Variants in SLAIN2 observed in about 807,000 individuals in gnomAD.
SLAIN2 encodes SLAIN motif-containing protein 2.
SLAIN2 carries 31 observed loss-of-function variants against 56.6 expected under a neutral mutation model. That is an observed-to-expected ratio of 0.55 (90% CI 0.41 to 0.74). The LOEUF is 0.74. Ranked by LOEUF, SLAIN2 falls within the 30% of genes least tolerant of loss-of-function variation. The pLI is 0.00. For missense variants in SLAIN2, 777 were observed against 754.2 expected (o/e 1.03, Z -0.35); for synonymous variants, 317 against 284.9 (o/e 1.11, Z -1.13).
At chr4:48,413,256 A>G (rs1716912884) in intron 6 of SLAIN2, among the ~76,000 whole-genome samples, 1 of 151,962 alleles carries the variant, frequency 6.6e-6, no homozygotes, top group African/African-American at 2.4e-5. Context: ...TGATAATGAC[A>G]GTAGAGATGT....
chr4:48,387,430 A>G (rs935308990), intron 6 of SLAIN2: 1 of 152,064 alleles, frequency 6.6e-6, no homozygotes, highest in Non-Finnish European at 1.5e-5. Flanking sequence ...GGAAAACACA[A>G]TGGGATTCCA....
At position 48,424,748 on chromosome 4, in the gene SLAIN2, C is replaced by T. The variant is rs1577745852; in HGVS notation, c.*2671C>T. The T allele has an allele frequency of 1.3e-5, 2 of 151,506 alleles. No homozygotes were observed. The highest frequency in any genetic ancestry group is 3.9e-4 in the East Asian group (2 of 5,166). The allele number at this position is 151,506 out of a possible 1,614,324, so 9.4% of individuals were successfully genotyped here. ...ATTGTCAGATACTTTTTAAAATTAT[C>T]TCAATACATCACTTTTATAAAAAAA... On this transcript the variant is annotated 3_prime_UTR_variant, in exon 8 of 8. Coordinates refer to ENST00000264313, the MANE Select transcript of SLAIN2 (RefSeq NM_020846.2).
intron 6 of SLAIN2, among the ~76,000 whole-genome samples, chr4:48,386,926 A>T (rs1350926692): frequency 6.6e-6 from 1 of 152,214 alleles, no homozygotes; most frequent in Non-Finnish European, 1.5e-5. Context: ...AATAAAACTT[A>T]TGTATATTAT....
intron 2 of SLAIN2, among the ~76,000 whole-genome samples, chr4:48,373,410 T>C (rs1161862674): frequency 6.6e-6 from 1 of 152,210 alleles, no homozygotes; most frequent in Non-Finnish European, 1.5e-5. Context: ...CTCTCCCTGT[T>C]TTGGTGTTTT....
intron 6 of SLAIN2, among the ~76,000 whole-genome samples, chr4:48,416,507 CAG>C (rs1716999386): frequency 7.0e-6 from 1 of 142,056 alleles, no homozygotes; most frequent in Non-Finnish European, 1.5e-5. Context: ...CGTCTGCAAA[CAG>C]GGACAATTTG....
chr4:48,384,628 C>T (rs1383611042), intron 6 of SLAIN2, among the ~76,000 whole-genome samples: 1 of 152,104 alleles, frequency 6.6e-6, no homozygotes, highest in Non-Finnish European at 1.5e-5. Context: ...GTAGAAAGAA[C>T]ACATGTAGAT....
At chr4:48,419,133 C>T (rs1480474494) in intron 6 of SLAIN2, among the ~76,000 whole-genome samples, 4 of 149,288 alleles carry the variant, frequency 2.7e-5, no homozygotes, top group Admixed American at 6.7e-5. Context: ...GACAGAGTCT[C>T]GCTCTGTTGC....
chr4:48,368,002 T>A (rs892868088), intron 1 of SLAIN2, among the ~76,000 whole-genome samples: 1 of 149,976 alleles, frequency 6.7e-6, no homozygotes, highest in African/African-American at 2.5e-5. Context: ...TTCATATAAA[T>A]GGATTCTTAT....
chr4:48,381,954 G>T (rs906921279), intron 4 of SLAIN2, among the ~76,000 whole-genome samples: 2 of 152,078 alleles, frequency 1.3e-5, no homozygotes, highest in African/African-American at 4.8e-5. Flanking sequence ...CTATATAGGA[G>T]AATTCTTTGA....
chr4:48,412,551 G>A (rs1716891651), intron 6 of SLAIN2, among the ~76,000 whole-genome samples: 1 of 152,130 alleles, frequency 6.6e-6, no homozygotes, highest in African/African-American at 2.4e-5. Flanking sequence ...CAATTATCTT[G>A]AAGAGGATCA....
chr4:48,363,927 AC>A (rs1249854706), intron 1 of SLAIN2, among the ~76,000 whole-genome samples: 9 of 95,534 alleles, frequency 9.4e-5, no homozygotes, highest in Non-Finnish European at 1.1e-4. Flanking sequence ...CGGGGGGCTG[AC>A]CCCCCCACCT....
At chr4:48,370,162 T>G (rs913229597) in intron 2 of SLAIN2, among the ~76,000 whole-genome samples, 165 bp downstream of exon 2, 8 of 152,260 alleles carry the variant, frequency 5.3e-5, no homozygotes, top group African/African-American at 1.9e-4. Context: ...AACCCTGTTC[T>G]ATCATTTACT....
intron 6 of SLAIN2, among the ~76,000 whole-genome samples, chr4:48,392,018 A>G (rs1440914954): frequency 2.6e-5 from 4 of 152,330 alleles, no homozygotes; most frequent in Non-Finnish European, 5.9e-5. Flanking sequence ...AACCATAAAT[A>G]TTTTCGAACA....
At position 48,382,552 on chromosome 4, in the gene SLAIN2, C is replaced by A; in HGVS notation, c.863-16C>A. The A allele has an allele frequency of 6.6e-7, 1 of 1,523,448 alleles. No homozygotes were observed. The highest frequency in any genetic ancestry group is 8.8e-7 in the Non-Finnish European group (1 of 1,130,554). The allele number at this position is 1,523,448 out of a possible 1,614,324, so 94.4% of individuals were successfully genotyped here. A position where few individuals can be genotyped will look rare whatever the true frequency, so the allele number is the denominator to read the frequency against. Reference sequence around the variant, plus strand: ...TTAAAAATATTGTTTAAATAAATAACATTCATTGTTGCCAGGTCTCCGGCA... The same window carrying A: ...TTAAAAATATTGTTTAAATAAATAAAATTCATTGTTGCCAGGTCTCCGGCA... On this transcript the variant is annotated splice_polypyrimidine_tract_variant and intron_variant, in intron 4 of 7. Coordinates refer to ENST00000264313, the MANE Select transcript of SLAIN2 (RefSeq NM_020846.2).
rs1322766094 is a variant in SLAIN2 at position 48,351,473 on chromosome 4, C to A, written c.389+9345C>A. 2.6e-5 allele frequency among the ~76,000 whole-genome samples: 4 copies of A among 152,260 alleles called. No individual in the cohort carries two copies. The East Asian group carries it at 5.8e-4, about 22-fold the overall frequency. ...CTTGTGTTGACCTGTCACAGTGAAA[C>A]TCTTATTTGCCATTGGTTATACTTA... is the stretch of plus-strand genomic sequence containing the variant. On this transcript the variant is annotated intron_variant, in intron 1 of 7. Coordinates refer to ENST00000264313, the MANE Select transcript of SLAIN2 (RefSeq NM_020846.2).
rs36096623 is a variant in SLAIN2, at chr4:48,368,051, C to CTTTTTTTTTTTTTTTTTTTTTTTTTTTTT, written c.390-1785_390-1784insTTTTTTTTTTTTTTTTTTTTTTTTTTTTT. 6.8e-5 allele frequency among the ~76,000 whole-genome samples: 6 copies of CTTTTTTTTTTTTTTTTTTTTTTTTTTTTT among 88,814 alleles called. 1 individual carries two copies. The highest frequency in any genetic ancestry group is 4.0e-4 in the East Asian group (1 of 2,486). The allele number at this position is 88,814 out of a possible 152,430, so 58.3% of individuals were successfully genotyped here. Reference sequence around the variant, plus strand: ...TTCACTGAACGTAGTGTTTTTGAGGCTTTTTTTTTTTTTGACAGTGTTGCT... The same window carrying CTTTTTTTTTTTTTTTTTTTTTTTTTTTTT: ...TTCACTGAACGTAGTGTTTTTGAGGCTTTTTTTTTTTTTTTTTTTTTTTTTTTTTTTTTTTTTTTTTTGACAGTGTTGCT... On this transcript the variant is annotated intron_variant, in intron 1 of 7. Transcript: ENST00000264313.
intron 1 of SLAIN2, among the ~76,000 whole-genome samples, chr4:48,358,077 A>G (rs1461249870): frequency 6.6e-6 from 1 of 152,212 alleles, no homozygotes; most frequent in African/African-American, 2.4e-5. Context: ...AATATTTAAG[A>G]GTACTGCTTC....
At chr4:48,399,702 T>C (rs1395269240) in intron 6 of SLAIN2, among the ~76,000 whole-genome samples, 2 of 152,222 alleles carry the variant, frequency 1.3e-5, no homozygotes, top group African/African-American at 2.4e-5. Flanking sequence ...ATTGAGAGTT[T>C]TTAACGTGAG....
At chr4:48,358,297 A>G (rs1286985152) in intron 1 of SLAIN2, among the ~76,000 whole-genome samples, 1 of 152,070 alleles carries the variant, frequency 6.6e-6, no homozygotes, top group Admixed American at 6.6e-5. Context: ...AAATTATAAT[A>G]ATTACTGTTA....
Sources: gnomAD v4.1 joint callset for allele counts (sites outside exome capture counted in the v4.1 genomes callset) on GRCh38, gnomAD v4.1.1 for gene constraint, MANE v1.5 for transcripts, NCBI Gene and HGNC (gene_info 2026-07-23, HGNC 2026-07-21) for gene names.